Variants in ZFP14 observed in about 807,000 individuals in gnomAD.
ZFP14 encodes ZFP14 zinc finger protein.
ZFP14 carries 22 observed loss-of-function variants against 54.5 expected under a neutral mutation model. The ratio of observed to expected loss-of-function variants is 0.40; its 90% CI spans 0.29 to 0.58. The LOEUF (loss-of-function observed/expected upper bound fraction) is 0.58. Ranked by LOEUF, ZFP14 falls within the 20% of genes least tolerant of loss-of-function variation. The pLI, the probability that ZFP14 is intolerant of heterozygous loss-of-function variation, is 0.39. For missense variants in ZFP14, 470 were observed against 637.8 expected (o/e 0.74, Z 2.83); for synonymous variants, 159 against 204.0 (o/e 0.78, Z 1.88).
chr19:36,373,425 C>T (rs559457933), intron 1 of ZFP14, among the ~76,000 whole-genome samples: 4 of 151,730 alleles, frequency 2.6e-5, no homozygotes, highest in East Asian at 1.9e-4. Flanking sequence ...GTTGGTCAAA[C>T]GATACAAAAT....
chr19:36,346,666 C>T (rs936519770), intron 4 of ZFP14, among the ~76,000 whole-genome samples: 7 of 152,128 alleles, frequency 4.6e-5, no homozygotes, highest in Admixed American at 4.6e-4. Context: ...CCATGTTGGC[C>T]AGGATGGTCT....
chr19:36,375,048 C>G (rs1230278147), intron 1 of ZFP14, among the ~76,000 whole-genome samples: 1 of 151,982 alleles, frequency 6.6e-6, no homozygotes, highest in Non-Finnish European at 1.5e-5. Context: ...CAAAAAGTCT[C>G]TGACTGATGT....
chr19:36,377,158 C>A (rs1045554206), intron 1 of ZFP14, among the ~76,000 whole-genome samples: 2 of 152,186 alleles, frequency 1.3e-5, no homozygotes, highest in Non-Finnish European at 2.9e-5. Flanking sequence ...TGTCGCCAAT[C>A]AAACCACCTC....
At position 36,349,248 on chromosome 19, in the gene ZFP14, AAAAAAAAAC is replaced by A. The variant is rs1568467145; in HGVS notation, c.236-7667_236-7659del. 5.4e-4 allele frequency among the ~76,000 whole-genome samples: 36 copies of A among 66,292 alleles called. 8 individuals carry two copies. The highest frequency in any genetic ancestry group is 1.9e-3 in the African/African-American group (25 of 13,010). The allele number at this position is 66,292 out of a possible 152,430, so 43.5% of individuals were successfully genotyped here. A position where few individuals can be genotyped will look rare whatever the true frequency, so the allele number is the denominator to read the frequency against. On this transcript the variant is annotated intron_variant, in intron 4 of 4. Coordinates refer to ENST00000270001, the MANE Select transcript of ZFP14 (RefSeq NM_020917.3). The stretch of plus-strand genomic sequence containing the variant: ...CTCTGTCTCAAAAAAAAAAACAAAA[AAAAAAAAAC>A]AAAAAAAAAAAAACAGGAAGAACAT...
rs1047281446 is a variant in ZFP14 at position 36,341,921 on chromosome 19, G to A, written c.236-331C>T. ...GGCTGGAGTGCAGTAGTGCGATCCC[G>A]GCTCACTGAAAGCTCCGCCTCCCGG... On this transcript the variant is annotated intron_variant, in intron 4 of 4. Transcript: ENST00000270001. This position sits in a 1 kb window ranked among gnomAD's most constrained non-coding sequence, Gnocchi z 4.2. 9.2e-5 allele frequency among the ~76,000 whole-genome samples: 14 copies of A among 151,714 alleles called. No individual in the cohort carries two copies. The highest frequency in any genetic ancestry group is 2.1e-4 in the South Asian group (1 of 4,810).
In ZFP14 at chr19:36,355,849, A is replaced by G. The variant is rs535780172; in HGVS notation, c.235+4586T>C. Among the ~76,000 whole-genome samples, 303 of 142,458 alleles carry G rather than the reference A, an allele frequency of 2.1e-3. 39 individuals carry two copies. The highest frequency in any genetic ancestry group is 3.5e-3 in the Non-Finnish European group (227 of 64,162). 93.5% of individuals were successfully genotyped at this position (142,458 alleles called of 152,430 possible). Reference sequence around the variant, plus strand: ...AGCATCTAGAATTGTGAGAAAATACATATCTGGTGTTTAAGCCACCCAGAC... The same window carrying G: ...AGCATCTAGAATTGTGAGAAAATACGTATCTGGTGTTTAAGCCACCCAGAC... On this transcript the variant is annotated intron_variant, in intron 4 of 4. Coordinates refer to ENST00000270001, the MANE Select transcript of ZFP14 (RefSeq NM_020917.3).
intron 2 of ZFP14, among the ~76,000 whole-genome samples, chr19:36,365,257 C>T (rs1358483313): frequency 1.3e-5 from 2 of 152,132 alleles, no homozygotes; most frequent in African/African-American, 4.8e-5. Context: ...CAATATAGAA[C>T]TATGGGACAC....
At chr19:36,370,213 T>C (rs948734976) in intron 1 of ZFP14, among the ~76,000 whole-genome samples, 1 of 152,120 alleles carries the variant, frequency 6.6e-6, no homozygotes, top group Non-Finnish European at 1.5e-5. Flanking sequence ...GGCTCGACAT[T>C]ACCCATGTCA....
At chr19:36,361,130 A>G (rs2031702965) in intron 3 of ZFP14, among the ~76,000 whole-genome samples, 1 of 152,158 alleles carries the variant, frequency 6.6e-6, no homozygotes. Context: ...ACATTCCCAG[A>G]TCTTTTCTAG....
intron 4 of ZFP14, among the ~76,000 whole-genome samples, chr19:36,346,286 CAAAA>C (rs139635721): frequency 1.3e-5 from 2 of 151,614 alleles, no homozygotes; most frequent in Non-Finnish European, 2.9e-5. Flanking sequence ...TCAAAACAAA[CAAAA>C]AACCCAGGTT....
At chr19:36,348,136 C>T in intron 4 of ZFP14, among the ~76,000 whole-genome samples, 1 of 152,120 alleles carries the variant, frequency 6.6e-6, no homozygotes, top group Non-Finnish European at 1.5e-5. Flanking sequence ...CAGATAGTCA[C>T]ATAGAATAGG....
chr19:36,368,711 C>T (rs546707346), intron 1 of ZFP14, among the ~76,000 whole-genome samples: 150 of 152,290 alleles, frequency 9.8e-4, no homozygotes, highest in African/African-American at 3.4e-3. Context: ...AACTAAAAGA[C>T]CACACAGATT....
intron 2 of ZFP14, among the ~76,000 whole-genome samples, chr19:36,365,132 AG>A (rs923694600): frequency 6.7e-6 from 1 of 149,288 alleles, no homozygotes; most frequent in Non-Finnish European, 1.5e-5. Context: ...GGCCTCCCAA[AG>A]GAGGGATTAC....
In ZFP14 at chr19:36,341,434, C is replaced by T. The variant is rs767518663; in HGVS notation, c.392G>A (p.Gly131Glu). The T allele has an allele frequency of 2.5e-6, 4 of 1,614,010 alleles. No homozygotes were observed. Among genetic ancestry groups the T allele is most frequent in the Non-Finnish European group, 3.4e-6 (4 of 1,180,024 alleles). ...ATATCCCTCTTGTTGTTCCTTTTCC[C>T]CCTCAATCTTGCTTTTGCATTCCCA... ...NDWECKSKIE[G>E]EKEQQEGYFG... Residue 131 changes from glycine to glutamate, a missense_variant, in exon 5 of 5, where the codon GGG becomes GAG. By Grantham distance (98) the Gly-to-Glu change is moderately conservative (BLOSUM62 -2). Coordinates refer to ENST00000270001, the MANE Select transcript of ZFP14 (RefSeq NM_020917.3). This position sits in a 1 kb window ranked among gnomAD's most constrained non-coding sequence, Gnocchi z 4.2.
At chr19:36,357,641 C>T (rs1274155125) in intron 4 of ZFP14, among the ~76,000 whole-genome samples, 1 of 152,168 alleles carries the variant, frequency 6.6e-6, no homozygotes, top group South Asian at 2.1e-4. Context: ...GCGTGTGTGG[C>T]AGGGTATGTT....
At position 36,355,666 on chromosome 19, in the gene ZFP14, C is replaced by T. The variant is rs1320831142; in HGVS notation, c.235+4769G>A. 3.0e-5 allele frequency among the ~76,000 whole-genome samples: 4 copies of T among 135,208 alleles called. 1 individual carries two copies. The highest frequency in any genetic ancestry group is 6.5e-5 in the Non-Finnish European group (4 of 62,014). The allele number at this position is 135,208 out of a possible 152,430, so 88.7% of individuals were successfully genotyped here. On this transcript the variant is annotated intron_variant, in intron 4 of 4. Coordinates refer to ENST00000270001, the MANE Select transcript of ZFP14 (RefSeq NM_020917.3). ...CCATTGCACTCCAGCCTGGGCAACA[C>T]AGTGAAGCCCTGTCTCAAAAAAAAA...
chr19:36,368,281 C>T (rs2031826243), intron 1 of ZFP14, among the ~76,000 whole-genome samples: 1 of 152,158 alleles, frequency 6.6e-6, no homozygotes. Flanking sequence ...CCAGCCTGAC[C>T]AACATGCAGA....
chr19:36,362,036 T>G (rs964092667), intron 3 of ZFP14, 76 bp downstream of exon 3: 4 of 1,494,054 alleles, frequency 2.7e-6, no homozygotes, highest in African/African-American at 2.9e-5. Flanking sequence ...GAAAGTAGTT[T>G]TAGAGAGTTT....
chr19:36,350,045 C>T (rs191998008), intron 4 of ZFP14, among the ~76,000 whole-genome samples: 2 of 137,964 alleles, frequency 1.4e-5, no homozygotes, highest in Non-Finnish European at 3.2e-5. Flanking sequence ...TGCTTGAGCC[C>T]GGGAAGTGGA....
Sources: allele counts gnomAD v4.1 joint callset (sites outside exome capture counted in the v4.1 genomes callset), GRCh38; gene constraint gnomAD v4.1.1; non-coding constraint Gnocchi (gnomAD v3.1); transcripts MANE v1.5; gene names NCBI Gene and HGNC (gene_info 2026-07-23, HGNC 2026-07-21).